Variants in PTPRA observed in about 807,000 individuals in gnomAD.
PTPRA encodes the protein protein tyrosine phosphatase receptor type A.
PTPRA carries 25 observed loss-of-function variants against 104.8 expected under a neutral mutation model. The observed-to-expected ratio is 0.24, with a 90% CI of 0.17 to 0.33. The LOEUF is 0.33. PTPRA is among the 10% of genes least tolerant of loss of function. PTPRA has a pLI of 1.00. For synonymous variants in PTPRA, 323 were observed against 368.9 expected (o/e 0.88, Z 1.43); for missense variants, 765 against 1,015.3 (o/e 0.75, Z 3.35).
intron 13 of PTPRA, among the ~76,000 whole-genome samples, chr20:3,019,074 G>A (rs1186924994): frequency 1.4e-5 from 2 of 138,898 alleles, no homozygotes; most frequent in Non-Finnish European, 3.2e-5. Flanking sequence ...CCGGGCAGAG[G>A]GGCTCCTCAC....
At chr20:2,953,666 G>C (rs1201357555) in intron 3 of PTPRA, among the ~76,000 whole-genome samples, 1 of 150,502 alleles carries the variant, frequency 6.6e-6, no homozygotes, top group Non-Finnish European at 1.5e-5. Context: ...GGAGTGTAGT[G>C]ACGTGATCTC....
At chr20:2,977,401 T>C (rs1188144260) in intron 6 of PTPRA, among the ~76,000 whole-genome samples, 1 of 151,972 alleles carries the variant, frequency 6.6e-6, no homozygotes, top group Non-Finnish European at 1.5e-5. Context: ...GTTAGGGCAC[T>C]TTGGGAGGCT....
At chr20:2,871,607 AGCATAGG>A (rs1213903791), upstream of PTPRA, among the ~76,000 whole-genome samples, 2 of 152,212 alleles carry the variant, frequency 1.3e-5, no homozygotes, top group African/African-American at 4.8e-5. Flanking sequence ...TTGGTTCTAG[AGCATAGG>A]GCTGCTATCC....
rs2064933092 is a variant in PTPRA at position 3,022,607 on chromosome 20, G to T, written c.1329-82G>T. Reference sequence around the variant, plus strand: ...TTAGGATTTAGACCCTGAAGGAAGAGCCCCTGCCTGTGTTGCCCCTCCCTA... The same window carrying T: ...TTAGGATTTAGACCCTGAAGGAAGATCCCCTGCCTGTGTTGCCCCTCCCTA... On this transcript the variant is annotated intron_variant, in intron 15 of 23. Transcript: ENST00000399903. The surrounding 1 kb of genome is among the most constrained non-coding windows in gnomAD (Gnocchi z 4.6). The T allele has an allele frequency of 1.9e-6, 3 of 1,581,662 alleles. No homozygotes were observed. Among genetic ancestry groups the T allele is most frequent in the Non-Finnish European group, 2.6e-6 (3 of 1,158,974 alleles).
chr20:2,980,588 G>C (rs1420384456), intron 6 of PTPRA, among the ~76,000 whole-genome samples: 1 of 151,572 alleles, frequency 6.6e-6, no homozygotes, highest in Non-Finnish European at 1.5e-5. Context: ...AGTGGCTCAC[G>C]CACATAATCA....
chr20:2,986,069 G>A (rs757557733), intron 6 of PTPRA, among the ~76,000 whole-genome samples: 10 of 151,988 alleles, frequency 6.6e-5, no homozygotes, highest in African/African-American at 2.2e-4. Context: ...TCACCACACC[G>A]GCTATTTTTT....
intron 1 of PTPRA, among the ~76,000 whole-genome samples, chr20:2,875,578 T>G (rs891380403): frequency 6.6e-6 from 1 of 152,218 alleles, no homozygotes; most frequent in Non-Finnish European, 1.5e-5. Flanking sequence ...CAGAGTCTAA[T>G]GTAGGACAGG....
intron 1 of PTPRA, among the ~76,000 whole-genome samples, chr20:2,909,492 G>T (rs2059544579): frequency 6.6e-6 from 1 of 151,518 alleles, no homozygotes; most frequent in Non-Finnish European, 1.5e-5. Flanking sequence ...TGAGGCAGGA[G>T]AATTGCTTCA....
rs71195813 is a variant in PTPRA at position 3,029,540 on chromosome 20, C to CTTTTTTTTTTTTTTTTTTTTTT, written c.1920+1717_1920+1718insTTTTTTTTTTTTTTTTTTTTTT. Among the ~76,000 whole-genome samples, 107 of 78,064 alleles carry CTTTTTTTTTTTTTTTTTTTTTT rather than the reference C, an allele frequency of 1.4e-3. 22 individuals are homozygous for CTTTTTTTTTTTTTTTTTTTTTT. The highest frequency in any genetic ancestry group is 2.5e-3 in the East Asian group (5 of 1,996). 51.2% of individuals were successfully genotyped at this position (78,064 alleles called of 152,430 possible). On this transcript the variant is annotated intron_variant, in intron 20 of 23. Transcript: ENST00000399903. ...GACATACTTTGTAGGTCTTCATCAT[C>CTTTTTTTTTTTTTTTTTTTTTT]TTTTTTTTTTTTTTTTTTGAGACGG...
chr20:2,972,317 C>T (rs1296698563), intron 5 of PTPRA, among the ~76,000 whole-genome samples: 1 of 152,160 alleles, frequency 6.6e-6, no homozygotes, highest in Non-Finnish European at 1.5e-5. Flanking sequence ...GCAAACCCCA[C>T]CTCAGACTTC....
intron 11 of PTPRA, among the ~76,000 whole-genome samples, chr20:3,009,198 A>G (rs112807299): frequency 5.5e-4 from 83 of 152,264 alleles, no homozygotes; most frequent in African/African-American, 2.0e-3. Context: ...GAGGTCCCTG[A>G]GAAAAGGATA....
intron 9 of PTPRA, among the ~76,000 whole-genome samples, chr20:2,994,612 C>T (rs2063326399): frequency 6.6e-6 from 1 of 152,216 alleles, no homozygotes; most frequent in Non-Finnish European, 1.5e-5. Context: ...CAAGGGCATA[C>T]TGAAGGTGTC....
intron 9 of PTPRA, among the ~76,000 whole-genome samples, chr20:2,996,566 T>G (rs1047313334): frequency 2.0e-5 from 3 of 152,132 alleles, no homozygotes; most frequent in Non-Finnish European, 4.4e-5. Context: ...AATGATGTCG[T>G]AAAAAAGTGG....
At chr20:3,021,562 G>T in intron 14 of PTPRA, 134 bp downstream of exon 14, 1 of 1,282,032 alleles carries the variant, frequency 7.8e-7, no homozygotes, top group South Asian at 1.5e-5. Context: ...CAGATATCCG[G>T]GCTCAGGGGA....
At chr20:2,864,369 C>T in the PTPRA span, 1 of 1,614,176 alleles carries the variant, frequency 6.2e-7, no homozygotes, top group Non-Finnish European at 8.5e-7. This position sits in a 1 kb window ranked among gnomAD's most constrained non-coding sequence, Gnocchi z 5.2. Context: ...CTGCAGTGTT[C>T]ACGGTGTTGC....
intron 20 of PTPRA, among the ~76,000 whole-genome samples, chr20:3,028,835 G>A (rs1194795458): frequency 6.6e-6 from 1 of 152,198 alleles, no homozygotes; most frequent in Non-Finnish European, 1.5e-5. Context: ...CCCTCTGGCA[G>A]CAGTGAGAAG....
At chr20:2,870,878 G>C (rs1360919819), upstream of PTPRA, among the ~76,000 whole-genome samples, 13 of 152,202 alleles carry the variant, frequency 8.5e-5, no homozygotes, top group Admixed American at 8.5e-4. Context: ...CCCCATTTGG[G>C]TAGGCTTGGG....
chr20:2,864,402 C>T, the PTPRA span: 10 of 1,614,038 alleles, frequency 6.2e-6, no homozygotes, highest in South Asian at 1.1e-4. This position sits in a 1 kb window ranked among gnomAD's most constrained non-coding sequence, Gnocchi z 5.2. Flanking sequence ...ACGAGCTGAA[C>T]CGAGGAGATT....
chr20:2,972,588 A>G (rs1206215690), intron 5 of PTPRA, among the ~76,000 whole-genome samples: 1 of 152,088 alleles, frequency 6.6e-6, no homozygotes, highest in Non-Finnish European at 1.5e-5. Context: ...CTCTGTCTAG[A>G]TATTCTCAAA....
Sources: gnomAD v4.1 joint callset for allele counts (sites outside exome capture counted in the v4.1 genomes callset) on GRCh38, gnomAD v4.1.1 for gene constraint, Gnocchi (gnomAD v3.1) non-coding constraint, MANE v1.5 for transcripts, NCBI Gene and HGNC (gene_info 2026-07-23, HGNC 2026-07-21) for gene names.